The following BAZ2B variants were observed in gnomAD, a reference collection of about 807,000 sequenced individuals.
The protein encoded by BAZ2B is bromodomain adjacent to zinc finger domain 2B, also known as bromodomain adjacent to zinc finger domain protein 2B.
A neutral mutation model predicts 246.0 loss-of-function variants in BAZ2B; 91 were observed. That is an observed-to-expected ratio of 0.37 (90% CI 0.31 to 0.44). The LOEUF (loss-of-function observed/expected upper bound fraction) is 0.44, where lower values mean the gene tolerates loss of function less well. Ranked by LOEUF, BAZ2B falls within the 20% of genes least tolerant of loss-of-function variation. The pLI is 1.00. For synonymous variants in BAZ2B, 855 were observed against 860.0 expected (o/e 0.99, Z 0.10); for missense variants, 2,332 against 2,533.7 (o/e 0.92, Z 1.71).
chr2:159,474,807 G>A (rs571466750), intron 3 of BAZ2B, among the ~76,000 whole-genome samples: 46 of 152,144 alleles, frequency 3.0e-4, no homozygotes, highest in African/African-American at 8.7e-4. Flanking sequence ...TTTCTCCTTC[G>A]CTGTTGAAGC....
chr2:159,454,904 T>C (rs2075552168), intron 3 of BAZ2B, among the ~76,000 whole-genome samples: 1 of 152,220 alleles, frequency 6.6e-6, no homozygotes, highest in Admixed American at 6.5e-5. Context: ...GAATGTTATA[T>C]GATAAAAACA....
rs905159366 is a variant in BAZ2B at position 159,558,003 on chromosome 2, G to A, written c.-45-2138C>T. Among the ~76,000 whole-genome samples the A allele has an allele frequency of 2.6e-5, 4 of 152,150 alleles. No homozygotes were observed. In the East Asian group the frequency reaches 7.7e-4, roughly 29 times the overall value. On this transcript the variant is annotated intron_variant, in intron 1 of 36. Coordinates refer to ENST00000392783, the MANE Select transcript of BAZ2B (RefSeq NM_013450.4). The stretch of plus-strand genomic sequence containing the variant: ...TGATAATGAGGGTCTGGATAGTGAA[G>A]AAGAGGAAATGCAGAGGGAATGGGA...
At chr2:159,709,539 A>G in the BAZ2B span, among the ~76,000 whole-genome samples, 3 of 152,248 alleles carry the variant, frequency 2.0e-5, no homozygotes, top group African/African-American at 7.2e-5. Context: ...CATTCTATGT[A>G]TGTAACAAAA....
intron 27 of BAZ2B, among the ~76,000 whole-genome samples, chr2:159,372,257 G>C (rs1002217572): frequency 6.6e-6 from 1 of 152,090 alleles, no homozygotes; most frequent in African/African-American, 2.4e-5. Flanking sequence ...ATGTCTGATG[G>C]GGACAAAAGT....
intron 27 of BAZ2B, among the ~76,000 whole-genome samples, chr2:159,371,260 A>G (rs2060819484): frequency 6.6e-6 from 1 of 152,130 alleles, no homozygotes; most frequent in Non-Finnish European, 1.5e-5. Flanking sequence ...CTTGTGCCTC[A>G]GCCTCCAGAG....
chr2:159,402,722 TAC>T (rs1311088171), intron 16 of BAZ2B, among the ~76,000 whole-genome samples: 1 of 152,200 alleles, frequency 6.6e-6, no homozygotes, highest in Non-Finnish European at 1.5e-5. Context: ...GGGGCTTACG[TAC>T]ACAGTCTAAA....
At chr2:159,375,724 A>C (rs1026199459) in intron 25 of BAZ2B, among the ~76,000 whole-genome samples, 1 of 152,236 alleles carries the variant, frequency 6.6e-6, no homozygotes, top group Non-Finnish European at 1.5e-5. Flanking sequence ...GATGTAAGAG[A>C]TATCACATAG....
intron 1 of BAZ2B, among the ~76,000 whole-genome samples, chr2:159,559,912 G>A (rs1578377343): frequency 6.6e-6 from 1 of 152,086 alleles, no homozygotes; most frequent in South Asian, 2.1e-4. Context: ...CACTGTTTTA[G>A]TAAATATGCA....
chr2:159,362,871 T>A (rs1057338096), intron 27 of BAZ2B, among the ~76,000 whole-genome samples: 4 of 150,462 alleles, frequency 2.7e-5, no homozygotes, highest in African/African-American at 4.9e-5. Flanking sequence ...TGGTAGTCTC[T>A]CTAGAAGGGA....
At chr2:159,554,816 T>C (rs894717118) in intron 2 of BAZ2B, among the ~76,000 whole-genome samples, 33 of 152,218 alleles carry the variant, frequency 2.2e-4, no homozygotes, top group African/African-American at 7.5e-4. Context: ...TTTTATCACT[T>C]AGAATTTTCT....
the BAZ2B span, among the ~76,000 whole-genome samples, chr2:159,699,014 AT>A: frequency 6.6e-6 from 1 of 152,206 alleles, no homozygotes; most frequent in African/African-American, 2.4e-5. Flanking sequence ...TTATTTCAAC[AT>A]TTATTGAGTG....
At chr2:159,569,147 A>G (rs1057126593) in intron 1 of BAZ2B, among the ~76,000 whole-genome samples, 1 of 152,224 alleles carries the variant, frequency 6.6e-6, no homozygotes, top group African/African-American at 2.4e-5. Flanking sequence ...ACATATTTAC[A>G]CTACTCAGCG....
At chr2:159,490,106 A>G (rs958343949) in intron 2 of BAZ2B, among the ~76,000 whole-genome samples, 4 of 152,176 alleles carry the variant, frequency 2.6e-5, no homozygotes, top group Non-Finnish European at 5.9e-5. Context: ...TTTATGACAA[A>G]ATTTCATAAA....
intron 22 of BAZ2B, among the ~76,000 whole-genome samples, chr2:159,385,627 G>GT (rs2062558446): frequency 6.6e-6 from 1 of 151,958 alleles, no homozygotes; most frequent in Non-Finnish European, 1.5e-5. Context: ...ATGGGTAGCA[G>GT]AAGTTTTAAA....
chr2:159,661,509 T>C, the BAZ2B span, among the ~76,000 whole-genome samples: 8 of 152,324 alleles, frequency 5.3e-5, no homozygotes, highest in East Asian at 1.5e-3. Context: ...CTTTTTAAGC[T>C]TTTTAAAGCC....
At chr2:159,681,744 G>A in the BAZ2B span, among the ~76,000 whole-genome samples, 1 of 152,088 alleles carries the variant, frequency 6.6e-6, no homozygotes, top group Non-Finnish European at 1.5e-5. Context: ...GACTAACATG[G>A]TAAAACCCCA....
At chr2:159,605,578 C>T (rs1469226) in intron 1 of BAZ2B, among the ~76,000 whole-genome samples, 140,449 of 152,066 alleles carry the variant, frequency 0.92, 65,353 homozygotes, top group East Asian at 1. Flanking sequence ...CAAGGTACTA[C>T]GTCACAGAAC....
At chr2:159,374,919 A>T (rs1285604450) in intron 25 of BAZ2B, among the ~76,000 whole-genome samples, 166 bp from the exon 26 acceptor site, 4 of 152,018 alleles carry the variant, frequency 2.6e-5, no homozygotes, top group Admixed American at 2.0e-4. Context: ...CATTATGTTT[A>T]AAAAAAACAC....
rs961926141 is a variant in BAZ2B, at chr2:159,555,834, T to C, written c.-14A>G. The C allele has an allele frequency of 7.1e-6, 1 of 140,358 alleles. No individual in the cohort carries two copies. Among genetic ancestry groups the C allele is most frequent in the Admixed American group, 6.8e-5 (1 of 14,672 alleles). The allele number at this position is 140,358 out of a possible 1,614,324, so 8.7% of individuals were successfully genotyped here. On this transcript the variant is annotated 5_prime_UTR_variant, in exon 2 of 37. Coordinates refer to ENST00000392783, the MANE Select transcript of BAZ2B (RefSeq NM_013450.4). Reference sequence around the variant, plus strand: ...CATTTTGGTCTTACTGTGATCAATGTGGTCAATCTTGTGACATCACTGTTG... The same window carrying C: ...CATTTTGGTCTTACTGTGATCAATGCGGTCAATCTTGTGACATCACTGTTG...
Sources: allele counts gnomAD v4.1 joint callset (sites outside exome capture counted in the v4.1 genomes callset), GRCh38; gene constraint gnomAD v4.1.1; transcripts MANE v1.5; gene names NCBI Gene and HGNC (gene_info 2026-07-23, HGNC 2026-07-21).